Variants in SNX29 observed in about 807,000 individuals in gnomAD.
SNX29 encodes the protein sorting nexin 29, also known as sorting nexin-29.
A neutral mutation model predicts 102.1 loss-of-function variants in SNX29; 78 were observed. The ratio of observed to expected loss-of-function variants is 0.76; its 90% CI spans 0.64 to 0.92. The LOEUF is 0.92. SNX29 is among the 40% of genes least tolerant of loss of function. The pLI is 0.00. For synonymous variants in SNX29, 580 were observed against 414.5 expected (o/e 1.40, Z -4.85); for missense variants, 1,280 against 1,061.7 (o/e 1.21, Z -2.86).
chr16:12,108,620 C>T (rs1425483993), intron 11 of SNX29, among the ~76,000 whole-genome samples: 2 of 152,056 alleles, frequency 1.3e-5, no homozygotes, highest in South Asian at 2.1e-4. Flanking sequence ...CTACAACAGC[C>T]CTGTGAGTTG....
chr16:12,556,435 A>T (rs973002821), intron 20 of SNX29: 2 of 152,274 alleles, frequency 1.3e-5, no homozygotes, highest in African/African-American at 2.4e-5. Context: ...AGATGCTGTG[A>T]AGAAACTCCA....
intron 16 of SNX29, among the ~76,000 whole-genome samples, chr16:12,373,395 G>A (rs753676070): frequency 2.6e-5 from 4 of 152,146 alleles, no homozygotes; most frequent in Non-Finnish European, 4.4e-5. Flanking sequence ...CTCCCATAGT[G>A]CTGGGATTAC....
intron 15 of SNX29, among the ~76,000 whole-genome samples, chr16:12,355,669 A>C (rs1289308839): frequency 6.6e-6 from 1 of 152,064 alleles, no homozygotes; most frequent in Non-Finnish European, 1.5e-5. Context: ...AGTTTTATTT[A>C]TTGGGGATCA....
chr16:12,361,439 G>A (rs1220453534), intron 16 of SNX29, among the ~76,000 whole-genome samples: 1 of 152,230 alleles, frequency 6.6e-6, no homozygotes, highest in African/African-American at 2.4e-5. Context: ...CTGTACAAAT[G>A]AATAACTGCT....
intron 19 of SNX29, among the ~76,000 whole-genome samples, chr16:12,518,345 A>G (rs1209034173): frequency 6.6e-6 from 1 of 152,094 alleles, no homozygotes; most frequent in African/African-American, 2.4e-5. Flanking sequence ...TGGAGCCGCT[A>G]AACCCAGCCA....
At chr16:12,023,425 A>G (rs76519409) in intron 3 of SNX29, among the ~76,000 whole-genome samples, 3 of 150,850 alleles carry the variant, frequency 2.0e-5, no homozygotes, top group African/African-American at 7.3e-5. Flanking sequence ...AAAAAAAAAA[A>G]AAAGTAGCTG....
At chr16:12,463,439 A>G (rs1469843539) in intron 18 of SNX29, among the ~76,000 whole-genome samples, 2 of 152,218 alleles carry the variant, frequency 1.3e-5, no homozygotes, top group African/African-American at 4.8e-5. Context: ...AGCAACTCAC[A>G]TCTTACATGG....
At chr16:12,010,160 C>G (rs958085128) in intron 3 of SNX29, among the ~76,000 whole-genome samples, 6 of 152,294 alleles carry the variant, frequency 3.9e-5, no homozygotes, top group African/African-American at 9.6e-5. Flanking sequence ...AAAACATTGC[C>G]TGGCAGGTAG....
At chr16:12,186,085 G>C (rs2076502965) in intron 13 of SNX29, among the ~76,000 whole-genome samples, 2 of 152,024 alleles carry the variant, frequency 1.3e-5, no homozygotes, top group Non-Finnish European at 2.9e-5. Flanking sequence ...TTTTTATATT[G>C]ACCAAACAAA....
rs1435154447 is a variant in SNX29 at position 12,568,537 on chromosome 16, A to T, written c.2350A>T (p.Ser784Cys). 6.2e-7 allele frequency: 1 copy of T among 1,609,790 alleles called. No homozygotes were observed. The highest frequency in any genetic ancestry group is 8.5e-7 in the Non-Finnish European group (1 of 1,179,852). Residue 784 changes from serine (S) to cysteine (C), a missense_variant, in exon 21 of 21, where the codon AGC becomes TGC. Physicochemically the swap from Ser to Cys is moderately radical, Grantham distance 112 (BLOSUM62 -1). Transcript: ENST00000566228. ...CACCCCGCCCGGAGAGCCTGTGAAC[A>T]GCCGGCCCAAAGCAGCTTCCCGCTT... The part of the protein sequence containing the change: ...DITPPGEPVN[S>C]RPKAASRFPK...
At chr16:12,482,640 C>T (rs1233349647) in intron 19 of SNX29, among the ~76,000 whole-genome samples, 2 of 152,192 alleles carry the variant, frequency 1.3e-5, no homozygotes, top group Non-Finnish European at 1.5e-5. Context: ...TACTCTTAAG[C>T]CTTGAACCCA....
Position 12,528,264 on chromosome 16 carries a change from A to G in SNX29, c.2318+3423A>G, listed in dbSNP as rs563742695. Among the ~76,000 whole-genome samples the G allele has an allele frequency of 5.3e-5, 8 of 152,178 alleles. No individual in the cohort carries two copies. In the South Asian group the frequency reaches 8.3e-4, roughly 16 times the overall value. ...GCACAGGCTGGAGTGCAGTGGCACA[A>G]TCTTGGCTCACTGCAACCTCTACCT... On this transcript the variant is annotated intron_variant, in intron 20 of 20. Transcript: ENST00000566228.
chr16:12,159,228 C>T (rs539570382), intron 13 of SNX29, among the ~76,000 whole-genome samples: 1 of 152,332 alleles, frequency 6.6e-6, no homozygotes, highest in East Asian at 1.9e-4. Flanking sequence ...TCTGCCTAAT[C>T]CCTAGTTCCA....
intron 16 of SNX29, among the ~76,000 whole-genome samples, chr16:12,360,525 T>C (rs1597069750): frequency 6.6e-6 from 1 of 152,120 alleles, no homozygotes. Flanking sequence ...TCACAGGTGG[T>C]GGTGTGTGTT....
At chr16:12,539,926 GTA>G (rs1305181463) in intron 20 of SNX29, among the ~76,000 whole-genome samples, 7 of 152,170 alleles carry the variant, frequency 4.6e-5, no homozygotes, top group African/African-American at 1.2e-4. Flanking sequence ...GGAGTTCTTT[GTA>G]TATGTTAGAT....
At chr16:12,153,657 T>TA (rs1407197482) in intron 13 of SNX29, among the ~76,000 whole-genome samples, 5 of 147,660 alleles carry the variant, frequency 3.4e-5, no homozygotes, top group Non-Finnish European at 7.6e-5. Flanking sequence ...TTTTTTTTTT[T>TA]AGTAGAGATG....
chr16:11,985,025 C>G (rs2055559588), intron 1 of SNX29, among the ~76,000 whole-genome samples: 1 of 151,914 alleles, frequency 6.6e-6, no homozygotes, highest in Admixed American at 6.6e-5. Context: ...GGTAGTTTTC[C>G]ATCCCTTAGA....
intron 3 of SNX29, among the ~76,000 whole-genome samples, chr16:12,016,830 A>C (rs1325919994): frequency 6.6e-6 from 1 of 151,726 alleles, no homozygotes; most frequent in Non-Finnish European, 1.5e-5. Flanking sequence ...TATGCACCTT[A>C]AAAAAAATTA....
Position 12,278,017 on chromosome 16 carries a change from A to G in SNX29, c.1763A>G (p.Tyr588Cys), listed in dbSNP as rs1173393708. The change falls in exon 15 of 21, where the codon TAC becomes TGC. Residue 588 changes from tyrosine to cysteine, a missense_variant. Tyr to Cys is a radical substitution (Grantham distance 194, BLOSUM62 -2). Transcript: ENST00000566228. ...GEIAEELASSYERKLIEVAEM... is the reference protein window; with the variant it reads ...GEIAEELASSCERKLIEVAEM... ...ATTGCTGAAGAACTCGCAAGCTCCT[A>G]CGAAAGAAAGCTCATCGAGGTAAGG... The G allele has an allele frequency of 2.5e-6, 4 of 1,603,172 alleles. No individual in the cohort carries two copies. The highest frequency in any genetic ancestry group is 1.7e-5 in the Admixed American group (1 of 58,514).
Sources: gnomAD v4.1 joint callset for allele counts (sites outside exome capture counted in the v4.1 genomes callset) on GRCh38, gnomAD v4.1.1 for gene constraint, MANE v1.5 for transcripts, NCBI Gene and HGNC (gene_info 2026-07-23, HGNC 2026-07-21) for gene names.